DDX31: variants seen among roughly 807,000 people sequenced by gnomAD.
DDX31 encodes ATP-dependent DNA helicase DDX31.
A neutral mutation model predicts 91.3 loss-of-function variants in DDX31; 70 were observed. The ratio of observed to expected loss-of-function variants is 0.77; its 90% CI spans 0.63 to 0.94. DDX31 has a LOEUF of 0.94. Ranked by LOEUF, DDX31 falls within the 40% of genes least tolerant of loss-of-function variation. The pLI is 0.00. For missense variants in DDX31, 902 were observed against 925.0 expected (o/e 0.98, Z 0.32); for synonymous variants, 362 against 350.6 (o/e 1.03, Z -0.36).
chr9:132,650,258 T>C lies in DDX31; in HGVS notation c.716A>G (p.Glu239Gly). ...CCTGGCCTTTTCTGATTTTCTCTTC[T>C]CTCCTCCCATTAACACTCCAGGCAC... Reference protein sequence around the residue: ...WIVPGVLMGGEKRKSEKARLR... With the variant: ...WIVPGVLMGGGKRKSEKARLR... The change falls in exon 9 of 20, where the codon GAG (glutamate) becomes GGG (glycine). Residue 239 changes from glutamate (E) to glycine (G), a missense_variant. By Grantham distance (98) the Glu-to-Gly change is moderately conservative. Coordinates refer to ENST00000372159, the MANE Select transcript of DDX31 (RefSeq NM_022779.9). The C allele has an allele frequency of 6.2e-7, 1 of 1,614,050 alleles. No homozygotes were observed. The highest frequency in any genetic ancestry group is 1.7e-5 in the Admixed American group (1 of 60,004).
chr9:132,666,872 C>T (rs1489005291), intron 1 of DDX31, among the ~76,000 whole-genome samples: 1 of 152,126 alleles, frequency 6.6e-6, no homozygotes, highest in African/African-American at 2.4e-5. Flanking sequence ...AGCCACCACA[C>T]CCGGCTAATT....
intron 6 of DDX31, among the ~76,000 whole-genome samples, chr9:132,657,733 A>T (rs1346767292): frequency 6.6e-6 from 1 of 152,122 alleles, no homozygotes; most frequent in African/African-American, 2.4e-5. Flanking sequence ...CTCTCAGCTG[A>T]GAATAACGAG....
chr9:132,653,721 A>G (rs2130803780), intron 6 of DDX31, among the ~76,000 whole-genome samples: 1 of 152,156 alleles, frequency 6.6e-6, no homozygotes, highest in East Asian at 1.9e-4. Context: ...AATAGTACAT[A>G]TAAGCTAATT....
At position 132,650,299 on chromosome 9, in the gene DDX31, C is replaced by T; in HGVS notation, c.676-1G>A. On this transcript the variant is annotated splice_acceptor_variant, in intron 8 of 19. Transcript: ENST00000372159. LOFTEE classifies it high-confidence loss of function. Reference sequence around the variant, plus strand: ...CTCCAGGCACAATCCAGGTGAAAGGCTACAGAAAGACAGCAGACCACAGTC... The same window carrying T: ...CTCCAGGCACAATCCAGGTGAAAGGTTACAGAAAGACAGCAGACCACAGTC... 6.2e-7 allele frequency: 1 copy of T among 1,614,144 alleles called. No individual in the cohort carries two copies. The highest frequency in any genetic ancestry group is 8.5e-7 in the Non-Finnish European group (1 of 1,179,972).
At chr9:132,616,510 C>G (rs547926341) in intron 18 of DDX31, among the ~76,000 whole-genome samples, 2 of 152,182 alleles carry the variant, frequency 1.3e-5, no homozygotes, top group Non-Finnish European at 2.9e-5. Context: ...ACACCAAAAT[C>G]GAAGGTGACA....
rs958970240 is a variant in DDX31 at position 132,646,556 on chromosome 9, G to A, written c.1203+267C>T. ...GTCTGCCTCACATCCAGCTGTTCCCGCCACCTGTGATGTTCCTAATATCAG... is the reference window on the plus strand; with the variant it reads ...GTCTGCCTCACATCCAGCTGTTCCCACCACCTGTGATGTTCCTAATATCAG... On this transcript the variant is annotated intron_variant, in intron 12 of 19. Coordinates refer to ENST00000372159, the MANE Select transcript of DDX31 (RefSeq NM_022779.9). 2.6e-5 allele frequency among the ~76,000 whole-genome samples: 4 copies of A among 152,130 alleles called. No individual in the cohort carries two copies. In the East Asian group the frequency reaches 5.8e-4, roughly 22 times the overall value.
chr9:132,616,733 T>TTC lies in DDX31; in HGVS notation c.1825+1596_1825+1597insGA, dbSNP rs1554760294. On this transcript the variant is annotated intron_variant, in intron 18 of 19. Coordinates refer to ENST00000372159, the MANE Select transcript of DDX31 (RefSeq NM_022779.9). ...AGAGGTAGCAAGGTAGGAAAACCCTTGGGAATTGTTGAATTCCCTTTAGGG... is the reference window on the plus strand; with the variant it reads ...AGAGGTAGCAAGGTAGGAAAACCCTTTCGGGAATTGTTGAATTCCCTTTAGGG... Among the ~76,000 whole-genome samples, 388 of 152,066 alleles carry TTC rather than the reference T, an allele frequency of 2.6e-3. 3 individuals are homozygous for TTC. Among genetic ancestry groups the TTC allele is most frequent in the Non-Finnish European group, 3.5e-3 (240 of 67,916 alleles).
At chr9:132,656,240 C>T (rs1451245366) in intron 6 of DDX31, among the ~76,000 whole-genome samples, 2 of 152,086 alleles carry the variant, frequency 1.3e-5, no homozygotes, top group Non-Finnish European at 2.9e-5. Context: ...TTTTACAGGT[C>T]AAATCATTTT....
intron 14 of DDX31, 150 bp from the exon 15 acceptor site, chr9:132,632,241 T>TATACACACACACACACACACACACAC: frequency 1.1e-5 from 1 of 91,764 alleles, no homozygotes; most frequent in Non-Finnish European, 2.0e-5. Flanking sequence ...CCAGTACGTG[T>TATACACACACACACACACACACACAC]ACACACACAC....
intron 4 of DDX31, 110 bp from the exon 5 acceptor site, chr9:132,659,890 C>T: frequency 1.0e-6 from 1 of 966,770 alleles, no homozygotes; most frequent in Non-Finnish European, 1.6e-6. Context: ...CTGGCAACTG[C>T]CTCCTTAGAA....
intron 13 of DDX31, among the ~76,000 whole-genome samples, chr9:132,644,676 C>T (rs373702778): frequency 1.2e-3 from 187 of 152,196 alleles, no homozygotes; most frequent in Non-Finnish European, 2.1e-3. Context: ...CCCCCAACCA[C>T]GCTTGGATCG....
intron 6 of DDX31, among the ~76,000 whole-genome samples, chr9:132,655,074 T>C (rs2130810457): frequency 6.6e-6 from 1 of 152,314 alleles, no homozygotes; most frequent in African/African-American, 2.4e-5. Flanking sequence ...AAGTTTAATG[T>C]TGGCATTATC....
At chr9:132,609,828 G>A (rs1040624351) in intron 19 of DDX31, among the ~76,000 whole-genome samples, 5 of 152,022 alleles carry the variant, frequency 3.3e-5, no homozygotes, top group African/African-American at 1.2e-4. Context: ...CACCATCTTG[G>A]CCAGGCTGGT....
chr9:132,621,353 C>T (rs75293271), intron 17 of DDX31, among the ~76,000 whole-genome samples: 22 of 152,288 alleles, frequency 1.4e-4, no homozygotes, highest in African/African-American at 4.8e-4. Context: ...GTCCCTAGAA[C>T]CTTCTGAGTG....
chr9:132,665,467 C>G (rs541188693), intron 1 of DDX31, among the ~76,000 whole-genome samples: 5 of 152,272 alleles, frequency 3.3e-5, no homozygotes, highest in African/African-American at 9.6e-5. Context: ...GCTATGAGAG[C>G]ACCAACAAAA....
chr9:132,610,806 C>T (rs1053591152), intron 19 of DDX31, among the ~76,000 whole-genome samples: 1 of 152,098 alleles, frequency 6.6e-6, no homozygotes, highest in Non-Finnish European at 1.5e-5. Flanking sequence ...ATGGATTTTC[C>T]TCCCCCTAGT....
intron 14 of DDX31, among the ~76,000 whole-genome samples, chr9:132,632,566 C>G (rs1228679226): frequency 6.6e-6 from 1 of 152,148 alleles, no homozygotes; most frequent in Non-Finnish European, 1.5e-5. Flanking sequence ...TATCACCCCC[C>G]GCCCACAACC....
intron 1 of DDX31, among the ~76,000 whole-genome samples, chr9:132,666,965 G>A (rs1214989694): frequency 2.6e-5 from 4 of 151,824 alleles, no homozygotes; most frequent in Admixed American, 2.0e-4. Flanking sequence ...CACCGGCCTC[G>A]GCCTCCCAAA....
In DDX31 at chr9:132,662,425, G is replaced by GC; in HGVS notation, c.332+13dup. The GC allele has an allele frequency of 1.2e-6, 2 of 1,613,818 alleles. No homozygotes were observed. The highest frequency in any genetic ancestry group is 8.5e-7 in the Non-Finnish European group (1 of 1,179,824). ...ATTTTTTTCTTCCTGAAGGGCATCC[G>GC]CCCCTGGACATACCTGTGGAGTTCT... On this transcript the variant is annotated intron_variant, in intron 2 of 19. Coordinates refer to ENST00000372159, the MANE Select transcript of DDX31 (RefSeq NM_022779.9).
Sources: gnomAD v4.1 joint callset for allele counts (sites outside exome capture counted in the v4.1 genomes callset) on GRCh38, gnomAD v4.1.1 for gene constraint, MANE v1.5 for transcripts, NCBI Gene and HGNC (gene_info 2026-07-23, HGNC 2026-07-21) for gene names.